Variants in SNAP47 observed in about 807,000 individuals in gnomAD.
The protein encoded by SNAP47 is synaptosome associated protein 47.
A neutral mutation model predicts 31.4 loss-of-function variants in SNAP47; 20 were observed. The ratio of observed to expected loss-of-function variants is 0.64; its 90% confidence interval spans 0.45 to 0.93. The LOEUF is 0.93. SNAP47 is among the 40% of genes least tolerant of loss of function. The pLI is 0.00. For missense variants in SNAP47, 492 were observed against 528.5 expected (o/e 0.93, Z 0.68); for synonymous variants, 194 against 213.4 (o/e 0.91, Z 0.79).
chr1:227,743,251 C>T (rs1413354582), intron 1 of SNAP47, among the ~76,000 whole-genome samples: 1 of 152,192 alleles, frequency 6.6e-6, no homozygotes, highest in Admixed American at 6.5e-5. Flanking sequence ...CACGGATCTG[C>T]TTGGCCTTGG....
chr1:227,732,713 G>C, upstream of SNAP47: 1 of 1,606,194 alleles, frequency 6.2e-7, no homozygotes, highest in Middle Eastern at 1.7e-4. Flanking sequence ...CTAACACCAT[G>C]GACACAGTCC....
chr1:227,769,821 G>A (rs1267879685), intron 4 of SNAP47, among the ~76,000 whole-genome samples: 1 of 152,176 alleles, frequency 6.6e-6, no homozygotes, highest in Non-Finnish European at 1.5e-5. Flanking sequence ...CGCCATGGAC[G>A]CGGTGCCTGG....
At chr1:227,779,484 C>T (rs537895607) in intron 4 of SNAP47, among the ~76,000 whole-genome samples, 10 of 152,308 alleles carry the variant, frequency 6.6e-5, no homozygotes, top group African/African-American at 2.2e-4. Flanking sequence ...AAGATCACCA[C>T]GCCCTAGACC....
In SNAP47 at chr1:227,771,638, C is replaced by T. The variant is rs562845176; in HGVS notation, c.1113+4555C>T. Among the ~76,000 whole-genome samples, 7 of 151,886 alleles carry T rather than the reference C, an allele frequency of 4.6e-5. No individual in the cohort carries two copies. The East Asian group carries it at 5.8e-4, about 13-fold the overall frequency. On this transcript the variant is annotated intron_variant, in intron 4 of 4. Transcript: ENST00000617596. ...TTGTGACAGTGAACGCCTGCTCACC[C>T]GCCTCTGTGCACCCCGCCCACCCCC...
At chr1:227,744,538 T>C in intron 1 of SNAP47, among the ~76,000 whole-genome samples, 1 of 151,870 alleles carries the variant, frequency 6.6e-6, no homozygotes, top group East Asian at 1.9e-4. Context: ...GCAAGTGAAG[T>C]TTCCTCCCCC....
At chr1:227,732,367 C>T (rs756031409), upstream of SNAP47, 18 of 1,604,586 alleles carry the variant, frequency 1.1e-5, no homozygotes, top group South Asian at 2.2e-5. Context: ...CTCTTCCACC[C>T]GTCCTTCTAT....
intron 4 of SNAP47, among the ~76,000 whole-genome samples, chr1:227,767,525 A>ATG (rs965636535): frequency 6.7e-6 from 1 of 149,034 alleles, no homozygotes; most frequent in Non-Finnish European, 1.5e-5. Flanking sequence ...GTGCATGTGC[A>ATG]TGTGTGTGTA....
At chr1:227,758,783 AG>A (rs1277360371) in intron 2 of SNAP47, among the ~76,000 whole-genome samples, 2 of 113,742 alleles carry the variant, frequency 1.8e-5, no homozygotes, top group African/African-American at 8.9e-5. Flanking sequence ...CTTTGCATCT[AG>A]ATGAATGTTC....
At chr1:227,754,364 G>A (rs1019635375) in intron 2 of SNAP47, among the ~76,000 whole-genome samples, 10 of 152,204 alleles carry the variant, frequency 6.6e-5, no homozygotes, top group Admixed American at 5.2e-4. Context: ...GCACAGGATG[G>A]GGGTGTGGCA....
intron 1 of SNAP47, among the ~76,000 whole-genome samples, chr1:227,736,702 T>C (rs1661220318): frequency 6.8e-6 from 1 of 147,514 alleles, no homozygotes; most frequent in Admixed American, 6.7e-5. Flanking sequence ...TTTTTTTTTT[T>C]TTGTAGAGAC....
rs780128655 is a variant in SNAP47, at chr1:227,759,436, C to G, written c.939C>G (p.Ser313Arg). 6.2e-7 allele frequency: 1 copy of G among 1,614,058 alleles called. No homozygotes were observed. Among genetic ancestry groups the G allele is most frequent in the Non-Finnish European group, 8.5e-7 (1 of 1,180,052 alleles). ...ELLEDALVLRSARTSSPAEKS... is the reference protein window; with the variant it reads ...ELLEDALVLRRARTSSPAEKS... ...TAGAAGATGCATTGGTGCTCAGAAG[C>G]GCAAGAACCTCTTCCCCCGCAGAGA... Residue 313 changes from serine to arginine, a missense_variant, in exon 3 of 5, where the codon AGC becomes AGG. By Grantham distance (110) the Ser-to-Arg change is moderately radical. Transcript: ENST00000617596.
intron 4 of SNAP47, among the ~76,000 whole-genome samples, chr1:227,774,570 G>A (rs1664040020): frequency 6.6e-6 from 1 of 152,126 alleles, no homozygotes; most frequent in South Asian, 2.1e-4. Flanking sequence ...TAGGTGAGAG[G>A]CAAGGGGGAC....
rs1220424252 is a variant in SNAP47, at chr1:227,741,534, T to C, written c.-46+6035T>C. On this transcript the variant is annotated intron_variant, in intron 1 of 4. Transcript: ENST00000617596. The surrounding 1 kb of genome is among the most constrained non-coding windows in gnomAD (Gnocchi z 4.2). ...CTTTCATTCCACCCCAGCAGAGCTG[T>C]GTAGTGGTGACGGAGACCATGCGTG... Among the ~76,000 whole-genome samples the C allele has an allele frequency of 1.3e-5, 2 of 151,994 alleles. No homozygotes were observed. The highest frequency in any genetic ancestry group is 2.9e-5 in the Non-Finnish European group (2 of 67,998).
intron 2 of SNAP47, among the ~76,000 whole-genome samples, chr1:227,752,477 G>A (rs1000713555): frequency 8.6e-5 from 13 of 151,984 alleles, no homozygotes; most frequent in African/African-American, 2.4e-4. Flanking sequence ...TCCCACATGC[G>A]TCATGCAGGG....
upstream of SNAP47, chr1:227,730,708 C>A (rs1660585612): frequency 6.6e-6 from 1 of 152,258 alleles, no homozygotes; most frequent in Non-Finnish European, 1.5e-5. Flanking sequence ...TCTTCACATA[C>A]AGTTCAGGAG....
upstream of SNAP47, chr1:227,732,748 C>T (rs1394217759): frequency 2.5e-6 from 4 of 1,592,810 alleles, no homozygotes; most frequent in East Asian, 2.2e-5. Flanking sequence ...CCGACATGCG[C>T]CCAGTCCCCA....
upstream of SNAP47, chr1:227,734,614 G>A: frequency 6.2e-7 from 1 of 1,608,520 alleles, no homozygotes. Context: ...GCAGCGCTAG[G>A]GAAGGCAGCG....
At chr1:227,750,623 C>A (rs1662286327) in intron 2 of SNAP47, among the ~76,000 whole-genome samples, 1 of 152,112 alleles carries the variant, frequency 6.6e-6, no homozygotes, top group African/African-American at 2.4e-5. Context: ...CCCTGGCTCG[C>A]TGCTGAGGGG....
upstream of SNAP47, chr1:227,733,880 G>A: frequency 6.2e-7 from 1 of 1,611,960 alleles, no homozygotes; most frequent in Non-Finnish European, 8.5e-7. Flanking sequence ...GCCCCTTCGG[G>A]TTCCACTCCC....
Sources: gnomAD v4.1 joint callset for allele counts (sites outside exome capture counted in the v4.1 genomes callset) on GRCh38, gnomAD v4.1.1 for gene constraint, Gnocchi (gnomAD v3.1) non-coding constraint, MANE v1.5 for transcripts, NCBI Gene and HGNC (gene_info 2026-07-23, HGNC 2026-07-21) for gene names.